The following TBC1D9B variants were observed in gnomAD, a reference collection of about 807,000 sequenced individuals.
TBC1D9B encodes TBC1 domain family, member 9B (with GRAM domain).
TBC1D9B carries 87 observed loss-of-function variants against 121.1 expected under a neutral mutation model. That is an observed-to-expected ratio of 0.72 (90% CI 0.60 to 0.86). The LOEUF (loss-of-function observed/expected upper bound fraction) is 0.86, where lower values mean the gene tolerates loss of function less well. Among genes scored for constraint, TBC1D9B ranks in the 40% least tolerant of loss-of-function variants. TBC1D9B has a pLI of 0.00. For synonymous variants in TBC1D9B, 668 were observed against 670.1 expected (o/e 1.00, Z 0.05); for missense variants, 1,540 against 1,628.6 (o/e 0.95, Z 0.94).
intron 1 of TBC1D9B, among the ~76,000 whole-genome samples, chr5:179,905,163 G>A (rs1477441424): frequency 1.3e-5 from 2 of 152,154 alleles, no homozygotes; most frequent in African/African-American, 2.4e-5. Context: ...GCTTTAGACC[G>A]AGAAAGTACA....
chr5:179,868,388 CCAGG>C (rs1211657097), intron 17 of TBC1D9B: 5 of 152,290 alleles, frequency 3.3e-5, no homozygotes, highest in African/African-American at 4.8e-5. Flanking sequence ...ATCGTGTTGG[CCAGG>C]CTGGTCTCCA....
intron 12 of TBC1D9B, among the ~76,000 whole-genome samples, chr5:179,873,548 T>C (rs1760266085): frequency 6.6e-6 from 1 of 152,214 alleles, no homozygotes; most frequent in African/African-American, 2.4e-5. Context: ...CCCCAGATCC[T>C]ACCCAGTTGG....
intron 7 of TBC1D9B, among the ~76,000 whole-genome samples, chr5:179,880,582 A>T (rs1379660150): frequency 6.6e-6 from 1 of 152,072 alleles, no homozygotes; most frequent in Non-Finnish European, 1.5e-5. Flanking sequence ...AACACTTCAC[A>T]TTCTGTGTTT....
chr5:179,879,019 A>G (rs1164900170), intron 9 of TBC1D9B, 28 bp downstream of exon 9: 4 of 1,594,572 alleles, frequency 2.5e-6, no homozygotes, highest in Non-Finnish European at 3.4e-6. Context: ...GGCTGAGCTG[A>G]GGCTGGGGGT....
Position 179,875,909 on chromosome 5 carries a change from G to A in TBC1D9B, c.1900+11C>T. The stretch of plus-strand genomic sequence containing the variant: ...GGAGACCCAGGCGAGGCAGCACCCG[G>A]GGACACTCACCCACCACCCTGGTGT... On this transcript the variant is annotated intron_variant, in intron 11 of 20. Transcript: ENST00000355235. The surrounding 1 kb of genome is among the most constrained non-coding windows in gnomAD (Gnocchi z 4.5). 1 of 1,596,870 alleles carries A rather than the reference G, an allele frequency of 6.3e-7. No homozygotes were observed. Among genetic ancestry groups the A allele is most frequent in the Non-Finnish European group, 8.5e-7 (1 of 1,172,656 alleles).
At chr5:179,903,952 T>C (rs889069790) in intron 2 of TBC1D9B, among the ~76,000 whole-genome samples, 1 of 151,960 alleles carries the variant, frequency 6.6e-6, no homozygotes, top group African/African-American at 2.4e-5. Context: ...GTCAAATTTT[T>C]CACTGCTTTG....
intron 15 of TBC1D9B, chr5:179,870,732 C>A: frequency 1.7e-6 from 1 of 601,916 alleles, no homozygotes; most frequent in Non-Finnish European, 2.8e-6. Context: ...CTGCAGGGGG[C>A]AGAGCTGGTC....
Position 179,894,333 on chromosome 5 carries a change from G to T in TBC1D9B, c.577+53C>A. On this transcript the variant is annotated intron_variant, in intron 4 of 20. Coordinates refer to ENST00000355235, the MANE Select transcript of TBC1D9B (RefSeq NM_015043.4). ...GGGATGGAGTATCTGGGGGCCGAAGGCAGGGAGGGGCTGAGGGTGTGGGGG... is the reference window on the plus strand; with the variant it reads ...GGGATGGAGTATCTGGGGGCCGAAGTCAGGGAGGGGCTGAGGGTGTGGGGG... 2.6e-6 allele frequency: 4 copies of T among 1,512,610 alleles called. No homozygotes were observed. In the South Asian group the frequency reaches 4.8e-5, roughly 18 times the overall value. The allele number at this position is 1,512,610 out of a possible 1,614,324, so 93.7% of individuals were successfully genotyped here. A position where few individuals can be genotyped will look rare whatever the true frequency, so the allele number is the denominator to read the frequency against.
chr5:179,863,171 C>A lies in TBC1D9B; in HGVS notation c.*277G>T. On this transcript the variant is annotated 3_prime_UTR_variant, in exon 21 of 21. Transcript: ENST00000355235. This position sits in a 1 kb window ranked among gnomAD's most constrained non-coding sequence, Gnocchi z 4.5. ...GAGAGCCTGTAATGCTAGGCAGGTG[C>A]AGCTGGTGCGAGGCGGGCTCCCACC... 2.1e-6 allele frequency: 1 copy of A among 472,472 alleles called. No individual in the cohort carries two copies. The highest frequency in any genetic ancestry group is 3.8e-6 in the Non-Finnish European group (1 of 263,558). 29.3% of individuals were successfully genotyped at this position (472,472 alleles called of 1,614,324 possible).
intron 9 of TBC1D9B, 61 bp downstream of exon 9, chr5:179,878,986 C>T (rs1050663324): frequency 3.5e-5 from 55 of 1,570,400 alleles, no homozygotes; most frequent in Middle Eastern, 1.9e-4. Flanking sequence ...CGAGCTCACA[C>T]GGGGAGAGCT....
At chr5:179,878,577 C>CAGT in intron 9 of TBC1D9B, 54 bp from the exon 10 acceptor site, 1 of 1,525,108 alleles carries the variant, frequency 6.6e-7, no homozygotes, top group South Asian at 1.2e-5. Flanking sequence ...ACTTTGGGGG[C>CAGT]AGTAACAGGG....
chr5:179,900,238 G>A (rs907099895), intron 2 of TBC1D9B, among the ~76,000 whole-genome samples: 7 of 152,136 alleles, frequency 4.6e-5, no homozygotes, highest in African/African-American at 1.4e-4. Flanking sequence ...AGAGAAGGCA[G>A]CACGATGCCA....
intron 2 of TBC1D9B, among the ~76,000 whole-genome samples, chr5:179,900,344 C>T (rs1262015851): frequency 1.3e-5 from 2 of 152,154 alleles, no homozygotes; most frequent in Non-Finnish European, 2.9e-5. Context: ...CTCTGCCTGG[C>T]CTGGCTCCCC....
intron 16 of TBC1D9B, 29 bp from the exon 17 acceptor site, chr5:179,869,863 C>A: frequency 1.3e-6 from 2 of 1,529,064 alleles, no homozygotes; most frequent in Non-Finnish European, 1.8e-6. Context: ...AGGGCTGGGT[C>A]TGGCAACATG....
chr5:179,907,798 C>T lies in TBC1D9B; in HGVS notation c.24G>A (p.Val8=). 1 of 1,218,046 alleles carries T rather than the reference C, an allele frequency of 8.2e-7. No homozygotes were observed. The highest frequency in any genetic ancestry group is 1.1e-6 in the Non-Finnish European group (1 of 950,848). The allele number at this position is 1,218,046 out of a possible 1,614,324, so 75.5% of individuals were successfully genotyped here. A position where few individuals can be genotyped will look rare whatever the true frequency, so the allele number is the denominator to read the frequency against. ...TCACCCACAGCGCATTGGCCACCAGCACCTCCTCCGGGCTCAGCCACATCG... is the reference window on the plus strand; with the variant it reads ...TCACCCACAGCGCATTGGCCACCAGTACCTCCTCCGGGCTCAGCCACATCG... The part of the protein sequence containing the change: MWLSPEE[V]LVANALWVTE... Residue 8 remains valine, a synonymous_variant, in exon 1 of 21, where the codon GTG becomes GTA. Transcript: ENST00000355235. The surrounding 1 kb of genome is among the most constrained non-coding windows in gnomAD (Gnocchi z 5.3).
chr5:179,888,063 G>C, intron 7 of TBC1D9B, 40 bp downstream of exon 7: 1 of 1,609,888 alleles, frequency 6.2e-7, no homozygotes, highest in Non-Finnish European at 8.5e-7. Flanking sequence ...GGCTCTTCCT[G>C]GGCCCAACTC....
rs2113639083 is a variant in TBC1D9B at position 179,893,364 on chromosome 5, G to A, written c.681C>T (p.Phe227=). 1.2e-6 allele frequency: 2 copies of A among 1,614,224 alleles called. No individual in the cohort carries two copies. Among genetic ancestry groups the A allele is most frequent in the Non-Finnish European group, 1.7e-6 (2 of 1,180,042 alleles). Residue 227 remains phenylalanine (F), a synonymous_variant, in exon 5 of 21, where the codon TTC becomes TTT. Transcript: ENST00000355235. The part of the protein sequence containing the change: ...IRVDTRDQEL[F]FSMFLNIGET... ...CGCCGATGTTGAGGAACATGGAGAA[G>A]AAGAGCTCCTGGTCGCGGGTGTCCA...
rs143168471 is a variant in TBC1D9B, at chr5:179,885,271, C to G, written c.1254+2832G>C. Among the ~76,000 whole-genome samples the G allele has an allele frequency of 5.0e-3, 765 of 152,254 alleles. 4 individuals carry two copies. The highest frequency in any genetic ancestry group is 0.017 in the African/African-American group (711 of 41,542). ...CTTAATCCAATATATCCAAAATACT[C>G]GCATTTCAACAGGAATCAATTAAAA... On this transcript the variant is annotated intron_variant, in intron 7 of 20. Transcript: ENST00000355235. The surrounding 1 kb of genome is among the most constrained non-coding windows in gnomAD (Gnocchi z 4.5).
At chr5:179,892,323 T>G (rs1760889948) in intron 5 of TBC1D9B, among the ~76,000 whole-genome samples, 1 of 152,264 alleles carries the variant, frequency 6.6e-6, no homozygotes, top group Admixed American at 6.5e-5. Context: ...GACAACATGC[T>G]TGCACAATTT....
Sources: allele counts gnomAD v4.1 joint callset (sites outside exome capture counted in the v4.1 genomes callset), GRCh38; gene constraint gnomAD v4.1.1; non-coding constraint Gnocchi (gnomAD v3.1); transcripts MANE v1.5; gene names NCBI Gene and HGNC (gene_info 2026-07-23, HGNC 2026-07-21).